SLC9D1: variants seen among roughly 807,000 people sequenced by gnomAD.
SLC9D1 encodes the protein putative LAG1-interacting protein.
the SLC9D1 span, chr13:113,549,787 A>C: frequency 1.5e-6 from 1 of 648,888 alleles, no homozygotes; most frequent in Non-Finnish European, 2.8e-6. Context: ...TTTACCGATC[A>C]CCTTGAATGT....
At chr13:113,503,687 A>G in the SLC9D1 span, 1 of 705,300 alleles carries the variant, frequency 1.4e-6, no homozygotes, top group Admixed American at 2.6e-5. Context: ...TCACTATCAA[A>G]TGTTTTTAGA....
At chr13:113,507,886 G>A in the SLC9D1 span, among the ~76,000 whole-genome samples, 1 of 152,264 alleles carries the variant, frequency 6.6e-6, no homozygotes, top group Admixed American at 6.5e-5. Context: ...AGGAGAATGT[G>A]TCTTGGCGCC....
chr13:113,513,828 A>T, the SLC9D1 span, among the ~76,000 whole-genome samples: 82 of 152,284 alleles, frequency 5.4e-4, 1 homozygote, highest in African/African-American at 1.8e-3. Context: ...TGATCCTAAA[A>T]TTCAGTGGGT....
At chr13:113,524,118 A>G in the SLC9D1 span, 2 of 448,518 alleles carry the variant, frequency 4.5e-6, no homozygotes, top group South Asian at 1.6e-5. Context: ...TTTTTAATAT[A>G]TGTCAGTCAG....
chr13:113,537,916 T>C, the SLC9D1 span, among the ~76,000 whole-genome samples: 1 of 152,128 alleles, frequency 6.6e-6, no homozygotes, highest in African/African-American at 2.4e-5. Context: ...TGTGCATGTG[T>C]GTGTTCTTTG....
At chr13:113,547,298 A>AGG in the SLC9D1 span, 5 of 1,613,762 alleles carry the variant, frequency 3.1e-6, no homozygotes, top group Non-Finnish European at 3.4e-6. Flanking sequence ...TGTTCCCAAC[A>AGG]GGGCTCCACG....
At chr13:113,503,642 T>G in the SLC9D1 span, 1 of 1,199,900 alleles carries the variant, frequency 8.3e-7, no homozygotes, top group African/African-American at 1.5e-5. Flanking sequence ...ATCATGTGGT[T>G]TTGGTTCATA....
the SLC9D1 span, among the ~76,000 whole-genome samples, chr13:113,531,680 C>T: frequency 3.3e-3 from 505 of 152,276 alleles, no homozygotes; most frequent in Non-Finnish European, 5.7e-3. Flanking sequence ...GCAGGTGACA[C>T]GGCGCCCCGT....
At chr13:113,535,990 A>T in the SLC9D1 span, among the ~76,000 whole-genome samples, 1 of 152,226 alleles carries the variant, frequency 6.6e-6, no homozygotes, top group Non-Finnish European at 1.5e-5. The surrounding 1 kb of genome is among the most constrained non-coding windows in gnomAD (Gnocchi z 4.1). Flanking sequence ...CTTGTGCTGT[A>T]ATTTGGCAAG....
the SLC9D1 span, among the ~76,000 whole-genome samples, chr13:113,512,306 T>C: frequency 1.9e-5 from 2 of 106,060 alleles, no homozygotes; most frequent in African/African-American, 1.0e-4. Context: ...ACACTCGGAG[T>C]CTCAGGGGCC....
the SLC9D1 span, among the ~76,000 whole-genome samples, chr13:113,546,313 C>T: frequency 6.6e-6 from 1 of 151,706 alleles, no homozygotes; most frequent in Non-Finnish European, 1.5e-5. This position sits in a 1 kb window ranked among gnomAD's most constrained non-coding sequence, Gnocchi z 7.1. Flanking sequence ...CCCCAGGCCG[C>T]CGTGGGGCTG....
the SLC9D1 span, among the ~76,000 whole-genome samples, chr13:113,524,988 C>A: frequency 6.6e-6 from 1 of 152,116 alleles, no homozygotes; most frequent in African/African-American, 2.4e-5. Context: ...TTCAGGGATT[C>A]TGTTTAGGCT....
chr13:113,534,039 TCCCAG>T, the SLC9D1 span: 2 of 1,582,508 alleles, frequency 1.3e-6, no homozygotes, highest in Non-Finnish European at 8.6e-7. Flanking sequence ...CTTTTTTCTT[TCCCAG>T]CATTGTCGTG....
the SLC9D1 span, among the ~76,000 whole-genome samples, chr13:113,524,807 G>A: frequency 6.6e-6 from 1 of 151,804 alleles, no homozygotes; most frequent in Non-Finnish European, 1.5e-5. Flanking sequence ...AGAACATATT[G>A]TTGGATGATT....
chr13:113,519,791 T>C, the SLC9D1 span, among the ~76,000 whole-genome samples: 2 of 151,918 alleles, frequency 1.3e-5, no homozygotes, highest in Non-Finnish European at 2.9e-5. Context: ...TCATTCCGTG[T>C]GGTGGCTTGG....
chr13:113,507,258 A>G, the SLC9D1 span, among the ~76,000 whole-genome samples: 3 of 151,878 alleles, frequency 2.0e-5, no homozygotes, highest in Non-Finnish European at 2.9e-5. Context: ...CTGTTTTTCT[A>G]AGTCTGTGGA....
At chr13:113,537,280 C>A in the SLC9D1 span, among the ~76,000 whole-genome samples, 63 of 152,332 alleles carry the variant, frequency 4.1e-4, no homozygotes, top group African/African-American at 1.4e-3. Flanking sequence ...ATCACCACTA[C>A]CCAATTATAT....
At chr13:113,504,114 G>A in the SLC9D1 span, 1 of 152,546 alleles carries the variant, frequency 6.6e-6, no homozygotes, top group East Asian at 1.9e-4. Context: ...AGTGCTAGCT[G>A]GAAAACTAGC....
chr13:113,499,958 G>C, the SLC9D1 span: 1 of 1,482,836 alleles, frequency 6.7e-7, no homozygotes, highest in Non-Finnish European at 9.0e-7. Context: ...ATTCTTGCAG[G>C]TCAAGGGGGT....
Sources: gnomAD v4.1 joint callset for allele counts (sites outside exome capture counted in the v4.1 genomes callset) on GRCh38, gnomAD v4.1.1 for gene constraint, Gnocchi (gnomAD v3.1) non-coding constraint, MANE v1.5 for transcripts, NCBI Gene and HGNC (gene_info 2026-07-23, HGNC 2026-07-21) for gene names.